The following ITGAL variants were observed in gnomAD, a reference collection of about 807,000 sequenced individuals.
The protein encoded by ITGAL is integrin alpha-L.
A neutral mutation model predicts 138.4 loss-of-function variants in ITGAL; 68 were observed. The ratio of observed to expected loss-of-function variants is 0.49; its 90% CI spans 0.40 to 0.60. The LOEUF (loss-of-function observed/expected upper bound fraction) is 0.60, where lower values mean the gene tolerates loss of function less well. Among genes scored for constraint, ITGAL ranks in the 20% least tolerant of loss-of-function variants. ITGAL has a pLI of 0.00. For missense variants in ITGAL, 1,256 were observed against 1,478.6 expected, an observed-to-expected ratio of 0.85 and a Z score of 2.47; for synonymous variants, 561 against 584.3, an observed-to-expected ratio of 0.96 and a Z score of 0.57.
Position 30,518,620 on chromosome 16 carries a change from A to G in ITGAL, c.3133-4A>G, listed in dbSNP as rs758366684. 1 of 1,610,890 alleles carries G rather than the reference A, an allele frequency of 6.2e-7. No homozygotes were observed. Among genetic ancestry groups the G allele is most frequent in the Middle Eastern group, 1.6e-4 (1 of 6,062 alleles). ...GGTTCTGACGCCTTTCCCCGCTCCC[A>G]CAGGCCTCTTCCATGTTCAGCCTCT... On this transcript the variant is annotated splice_polypyrimidine_tract_variant and splice_region_variant and intron_variant, in intron 28 of 30. Coordinates refer to ENST00000356798, the MANE Select transcript of ITGAL (RefSeq NM_002209.3).
intron 21 of ITGAL, chr16:30,509,343 C>T (rs553461793): frequency 1.3e-5 from 2 of 152,160 alleles, no homozygotes; most frequent in Non-Finnish European, 2.9e-5. Context: ...CAGTCTGAGA[C>T]TGAAATCTGT....
At chr16:30,486,793 G>T (rs2050653810) in intron 9 of ITGAL, among the ~76,000 whole-genome samples, 1 of 152,008 alleles carries the variant, frequency 6.6e-6, no homozygotes, top group South Asian at 2.1e-4. Flanking sequence ...TCATGAAGGA[G>T]TTTTTTGTTG....
rs749558117 is a variant in ITGAL, at chr16:30,519,965, A to G, written c.3337A>G (p.Lys1113Glu). 1.2e-6 allele frequency: 2 copies of G among 1,607,754 alleles called. No homozygotes were observed. Among genetic ancestry groups the G allele is most frequent in the Non-Finnish European group, 1.7e-6 (2 of 1,177,192 alleles). Reference protein sequence around the residue: ...LLLLIFIVLYKVGFFKRNLKE... With the variant: ...LLLLIFIVLYEVGFFKRNLKE... ...GCTGCTCATTTTCATAGTGCTGTAC[A>G]AGGTGGGTGCCTCCGGGGGTCACAG... The change falls in exon 30 of 31, where the codon AAG (lysine) becomes GAG (glutamate). Residue 1113 changes from lysine (K) to glutamate (E), a missense_variant and splice_region_variant. Physicochemically the swap from Lys to Glu is moderately conservative, Grantham distance 56. Around this residue, in one of 3 missense-constraint regions of ITGAL, gnomAD observed 867 missense variants for 972.5 expected, o/e 0.89. Coordinates refer to ENST00000356798, the MANE Select transcript of ITGAL (RefSeq NM_002209.3).
intron 11 of ITGAL, among the ~76,000 whole-genome samples, chr16:30,491,682 G>A (rs535680906): frequency 6.6e-6 from 1 of 151,926 alleles, no homozygotes; most frequent in East Asian, 1.9e-4. Context: ...CTAGGCTGGA[G>A]TGCAGTGGCA....
In ITGAL at chr16:30,494,778, G is replaced by A; in HGVS notation, c.1431G>A (p.Leu477=). 2 of 1,613,600 alleles carry A rather than the reference G, an allele frequency of 1.2e-6. No homozygotes were observed. The highest frequency in any genetic ancestry group is 1.7e-6 in the Non-Finnish European group (2 of 1,179,668). ...VDVDQDGETE[L]LLIGAPLFYG... is the part of the protein sequence containing the mutation. ...TGGACCAAGATGGGGAGACAGAGCT[G>A]CTGCTGATTGGTGCCCCACTGTTCT... Residue 477 remains leucine, a synonymous_variant, in exon 13 of 31, where the codon CTG becomes CTA. Coordinates refer to ENST00000356798, the MANE Select transcript of ITGAL (RefSeq NM_002209.3). The surrounding 1 kb of genome is among the most constrained non-coding windows in gnomAD (Gnocchi z 4.2).
Position 30,499,171 on chromosome 16 carries a change from A to C in ITGAL, c.1930A>C (p.Met644Leu), listed in dbSNP as rs748355671. 9 of 1,613,876 alleles carry C rather than the reference A, an allele frequency of 5.6e-6. No homozygotes were observed. Among genetic ancestry groups the C allele is most frequent in the African/African-American group, 1.3e-5 (1 of 74,880 alleles). Residue 644 changes from methionine to leucine, a missense_variant, in exon 16 of 31, where the codon ATG (methionine) becomes CTG (leucine). By Grantham distance (15) the Met-to-Leu change is conservative. Around this residue, in one of 3 missense-constraint regions of ITGAL, gnomAD observed 867 missense variants for 972.5 expected, o/e 0.89. Coordinates refer to ENST00000356798, the MANE Select transcript of ITGAL (RefSeq NM_002209.3). ...VECSYSTSNK[M>L]KEGVNITICF... ...GTGCTCCTATTCAACCAGTAACAAG[A>C]TGAAAGAAGGAGTTAATATCACAAT...
At chr16:30,474,763 G>A (rs1017776190) in intron 2 of ITGAL, among the ~76,000 whole-genome samples, 1 of 151,970 alleles carries the variant, frequency 6.6e-6, no homozygotes, top group Non-Finnish European at 1.5e-5. Flanking sequence ...TAAATGCAAA[G>A]GAACCTTAAT....
Position 30,493,213 on chromosome 16 carries a change from G to T in ITGAL, c.1214-999G>T, listed in dbSNP as rs146435155. On this transcript the variant is annotated intron_variant, in intron 11 of 30. Transcript: ENST00000356798. Reference sequence around the variant, plus strand: ...GACATGCTTTATTTTTAATATCCATGCCAACTTTGCATTCTTCTGACTAAT... The same window carrying T: ...GACATGCTTTATTTTTAATATCCATTCCAACTTTGCATTCTTCTGACTAAT... Among the ~76,000 whole-genome samples, 1,151 of 147,888 alleles carry T rather than the reference G, an allele frequency of 7.8e-3. 13 individuals carry two copies. The highest frequency in any genetic ancestry group is 0.027 in the African/African-American group (1,065 of 39,742).
intron 21 of ITGAL, 65 bp downstream of exon 21, chr16:30,506,921 C>A (rs1478642790): frequency 2.3e-5 from 37 of 1,578,368 alleles, no homozygotes; most frequent in Non-Finnish European, 2.6e-5. Flanking sequence ...CTTCTTTGAG[C>A]CCCAGGCAGC....
chr16:30,505,987 C>T (rs990130034), intron 20 of ITGAL, among the ~76,000 whole-genome samples: 1 of 152,232 alleles, frequency 6.6e-6, no homozygotes, highest in Admixed American at 6.6e-5. Context: ...TGGCCTGGCG[C>T]GGTGGCTCAC....
At position 30,479,226 on chromosome 16, in the gene ITGAL, C is replaced by T. The variant is rs1171607643; in HGVS notation, c.445+18C>T. ...TTTTCAGGGTAAGGAACTGGGGACTCATTGGGTAAAAATACCTCCAAATGG... is the reference window on the plus strand; with the variant it reads ...TTTTCAGGGTAAGGAACTGGGGACTTATTGGGTAAAAATACCTCCAAATGG... On this transcript the variant is annotated intron_variant, in intron 5 of 30. Transcript: ENST00000356798. 3.7e-6 allele frequency: 6 copies of T among 1,613,012 alleles called. No individual in the cohort carries two copies. The East Asian group carries it at 6.7e-5, about 18-fold the overall frequency.
intron 6 of ITGAL, chr16:30,481,185 A>ACCC: frequency 5.4e-6 from 2 of 373,624 alleles, no homozygotes; most frequent in East Asian, 6.1e-5. Context: ...CACACACACC[A>ACCC]CACACACACA....
chr16:30,484,646 C>T (rs537911153), intron 9 of ITGAL, among the ~76,000 whole-genome samples: 47 of 148,998 alleles, frequency 3.2e-4, no homozygotes, highest in African/African-American at 8.4e-4. Flanking sequence ...TGGCCGGACG[C>T]GGTGGCTCAC....
intron 29 of ITGAL, 74 bp downstream of exon 29, chr16:30,518,793 G>A (rs2051209613): frequency 9.2e-7 from 1 of 1,092,568 alleles, no homozygotes; most frequent in Non-Finnish European, 1.4e-6. Context: ...AGACCTAGAT[G>A]TGGGAGAGCT....
At position 30,521,759 on chromosome 16, in the gene ITGAL, C is replaced by CACACG; in HGVS notation, c.*94_*95insACACG. ...CTGCATTCTGCCGTGTGCCCTCGGG[C>CACACG]GAGTCACTGCCTCTCCCTGGCCCTC... On this transcript the variant is annotated 3_prime_UTR_variant, in exon 31 of 31. Transcript: ENST00000356798. 1 of 1,220,722 alleles carries CACACG rather than the reference C, an allele frequency of 8.2e-7. No individual in the cohort carries two copies. The highest frequency in any genetic ancestry group is 1.1e-6 in the Non-Finnish European group (1 of 875,434). The allele number at this position is 1,220,722 out of a possible 1,614,324, so 75.6% of individuals were successfully genotyped here.
At chr16:30,498,290 G>T (rs2050834392) in intron 15 of ITGAL, among the ~76,000 whole-genome samples, 1 of 149,860 alleles carries the variant, frequency 6.7e-6, no homozygotes, top group African/African-American at 2.5e-5. Flanking sequence ...ATAGGAGCCA[G>T]GCACTGGGGC....
At position 30,494,697 on chromosome 16, in the gene ITGAL, C is replaced by T. The variant is rs2050775448; in HGVS notation, c.1366-16C>T. 1.3e-6 allele frequency: 2 copies of T among 1,594,180 alleles called. No homozygotes were observed. The highest frequency in any genetic ancestry group is 1.7e-6 in the Non-Finnish European group (2 of 1,168,302). On this transcript the variant is annotated splice_polypyrimidine_tract_variant and intron_variant, in intron 12 of 30. Transcript: ENST00000356798. The surrounding 1 kb of genome is among the most constrained non-coding windows in gnomAD (Gnocchi z 4.2). ...TTCCCACAGGCGCTTCCCCAAACAC[C>T]TGCCTCTCCCCACAGATTGGCTCTT...
intron 11 of ITGAL, among the ~76,000 whole-genome samples, chr16:30,490,899 G>A (rs1226636042): frequency 6.6e-6 from 1 of 151,810 alleles, no homozygotes; most frequent in African/African-American, 2.4e-5. Flanking sequence ...GAACCTGGGA[G>A]GCGGAAGTTA....
At chr16:30,495,477 A>G (rs2050786269) in intron 13 of ITGAL, among the ~76,000 whole-genome samples, 2 of 152,076 alleles carry the variant, frequency 1.3e-5, no homozygotes, top group Admixed American at 6.6e-5. Context: ...CAAACTTTTT[A>G]TAGATATGAC....
Sources: gnomAD v4.1 joint callset for allele counts (sites outside exome capture counted in the v4.1 genomes callset) on GRCh38, gnomAD v4.1.1 for gene constraint, gnomAD v4.1.1 regional missense constraint, Gnocchi (gnomAD v3.1) non-coding constraint, MANE v1.5 for transcripts, NCBI Gene and HGNC (gene_info 2026-07-23, HGNC 2026-07-21) for gene names.